CRYBG3: variants seen among roughly 807,000 people sequenced by gnomAD.
CRYBG3 encodes crystallin beta-gamma domain containing 3.
A neutral mutation model predicts 244.2 loss-of-function variants in CRYBG3; 127 were observed. The observed-to-expected ratio is 0.52, with a 90% CI of 0.45 to 0.60. The LOEUF is 0.60. Ranked by LOEUF, CRYBG3 falls within the 20% of genes least tolerant of loss-of-function variation. The probability of loss-of-function intolerance (pLI) is 0.00; values close to 1 mark genes in which losing one functional copy is unlikely to be tolerated. For missense variants in CRYBG3, 3,325 were observed against 3,442.5 expected, an observed-to-expected ratio of 0.97 and a Z score of 0.85; for synonymous variants, 1,132 against 1,195.8, an observed-to-expected ratio of 0.95 and a Z score of 1.10.
intron 2 of CRYBG3, among the ~76,000 whole-genome samples, chr3:97,849,284 T>C (rs2038950102): frequency 6.6e-6 from 1 of 152,186 alleles, no homozygotes. Flanking sequence ...GAATCTTTGC[T>C]TGAAAATGGT....
At position 97,876,764 on chromosome 3, in the gene CRYBG3, T is replaced by C. The variant is rs890038657; in HGVS notation, c.5570T>C (p.Ile1857Thr). 1.6e-6 allele frequency: 2 copies of C among 1,262,312 alleles called. No homozygotes were observed. The highest frequency in any genetic ancestry group is 7.6e-5 in the Admixed American group (2 of 26,266). 78.2% of individuals were successfully genotyped at this position (1,262,312 alleles called of 1,614,324 possible). A position where few individuals can be genotyped will look rare whatever the true frequency, so the allele number is the denominator to read the frequency against. The change falls in exon 4 of 22, where the codon ATT (isoleucine) becomes ACT (threonine). Residue 1857 changes from isoleucine to threonine, a missense_variant. Physicochemically the swap from Ile to Thr is moderately conservative, Grantham distance 89 (BLOSUM62 -1). Transcript: ENST00000389622. ...TCCCCAGAAGATCGTGGTGAGAATA[T>C]TGGGAAACACAAAGTGTTACCCGCA... ...KISPEDRGENIGKHKVLPAVV... is the reference protein window; with the variant it reads ...KISPEDRGENTGKHKVLPAVV...
chr3:97,900,581 A>G, intron 15 of CRYBG3, 96 bp downstream of exon 15: 1 of 773,238 alleles, frequency 1.3e-6, no homozygotes, highest in Non-Finnish European at 2.2e-6. Context: ...GATAACTTTT[A>G]TGTGTCTCTC....
Position 97,941,148 on chromosome 3 carries a change from C to G in CRYBG3, c.8506C>G (p.Pro2836Ala). 6.2e-7 allele frequency: 1 copy of G among 1,603,182 alleles called. No individual in the cohort carries two copies. The highest frequency in any genetic ancestry group is 1.1e-5 in the South Asian group (1 of 89,278). ...TIGSLRPMKQ[P>A]AVYIRIKNRA... ...TAAATGGCTGTTTCTCCTGTCATAG[C>G]CTGCAGTGTACATCAGAATAAAGAA... is the stretch of plus-strand genomic sequence containing the variant. The change falls in exon 20 of 22, where the codon CCT (proline) becomes GCT (alanine). Residue 2836 changes from proline to alanine, a missense_variant and splice_region_variant. Pro to Ala is a conservative substitution (Grantham distance 27, BLOSUM62 -1). This residue lies in a region of CRYBG3 where 714 missense variants were observed against 803.6 expected (regional missense o/e 0.89). Coordinates refer to ENST00000389622, the MANE Select transcript of CRYBG3 (RefSeq NM_153605.4).
chr3:97,888,260 T>C, intron 8 of CRYBG3, 81 bp from the exon 9 acceptor site: 1 of 807,430 alleles, frequency 1.2e-6, no homozygotes, highest in African/African-American at 1.8e-5. Context: ...TTTGTTTTTT[T>C]ATTTTGGTAG....
intron 1 of CRYBG3, among the ~76,000 whole-genome samples, chr3:97,824,435 T>G (rs1197507731): frequency 1.3e-5 from 2 of 152,208 alleles, no homozygotes; most frequent in Non-Finnish European, 2.9e-5. Flanking sequence ...ATGAGACCCG[T>G]AAAAGTCGAA....
Position 97,874,445 on chromosome 3 carries a change from A to G in CRYBG3, c.3251A>G (p.Asp1084Gly), listed in dbSNP as rs954028571. The change falls in exon 4 of 22, where the codon GAT becomes GGT. Residue 1084 changes from aspartate to glycine, a missense_variant. Physicochemically the swap from Asp to Gly is moderately conservative, Grantham distance 94. Around this residue, in one of 4 missense-constraint regions of CRYBG3, gnomAD observed 1,526 missense variants for 1,443.2 expected, o/e 1.06. Transcript: ENST00000389622. ...VNSHKPQNNL[D>G]SIQVTKDLTH... Reference sequence around the variant, plus strand: ...TCACATAAGCCCCAAAATAATTTGGATTCTATACAAGTTACCAAAGATCTC... The same window carrying G: ...TCACATAAGCCCCAAAATAATTTGGGTTCTATACAAGTTACCAAAGATCTC... The G allele has an allele frequency of 2.0e-6, 3 of 1,535,074 alleles. No homozygotes were observed. The African/African-American group carries it at 4.1e-5, about 21-fold the overall frequency.
intron 2 of CRYBG3, among the ~76,000 whole-genome samples, chr3:97,850,983 T>C (rs975239937): frequency 6.6e-6 from 1 of 151,842 alleles, no homozygotes; most frequent in African/African-American, 2.4e-5. Flanking sequence ...AATAAAAAAA[T>C]TAGTTGGGCA....
Position 97,872,002 on chromosome 3 carries a change from G to A in CRYBG3, c.808G>A (p.Asp270Asn). Residue 270 changes from aspartate to asparagine, a missense_variant, in exon 4 of 22, where the codon GAC becomes AAC. Physicochemically the swap from Asp to Asn is conservative, Grantham distance 23. Coordinates refer to ENST00000389622, the MANE Select transcript of CRYBG3 (RefSeq NM_153605.4). The stretch of plus-strand genomic sequence containing the variant: ...TGACTCTAGTACAAACAGACACATT[G>A]ACCCTGGAAGTGAGATTGAGGCTGG... ...SSDSSTNRHI[D>N]PGSEIEAGVL... 1 of 1,535,814 alleles carries A rather than the reference G, an allele frequency of 6.5e-7. No homozygotes were observed. The highest frequency in any genetic ancestry group is 8.7e-7 in the Non-Finnish European group (1 of 1,146,752).
intron 17 of CRYBG3, among the ~76,000 whole-genome samples, chr3:97,920,475 A>G (rs1413969090): frequency 6.6e-6 from 1 of 151,972 alleles, no homozygotes; most frequent in East Asian, 1.9e-4. Flanking sequence ...ATTTTCCTTC[A>G]TAGACTTGTT....
At chr3:97,932,938 G>A (rs2040114613) in intron 17 of CRYBG3, among the ~76,000 whole-genome samples, 5 of 151,994 alleles carry the variant, frequency 3.3e-5, no homozygotes, top group Admixed American at 3.3e-4. Flanking sequence ...AAATAATCTA[G>A]CTTTCTACTG....
chr3:97,892,369 C>T (rs4297989), intron 10 of CRYBG3, among the ~76,000 whole-genome samples: 36,638 of 151,952 alleles, frequency 0.24, 4,749 homozygotes, highest in Middle Eastern at 0.33. Context: ...TTCAAATTGA[C>T]GCGGATGGTC....
At chr3:97,864,762 C>A in intron 3 of CRYBG3, 115 bp downstream of exon 3, 1 of 678,606 alleles carries the variant, frequency 1.5e-6, no homozygotes, top group Non-Finnish European at 2.4e-6. Context: ...TGTAGTGTCC[C>A]TACTACTGGG....
chr3:97,919,212 A>G (rs2039958346), intron 17 of CRYBG3, among the ~76,000 whole-genome samples: 1 of 152,152 alleles, frequency 6.6e-6, no homozygotes, highest in Admixed American at 6.6e-5. Flanking sequence ...TCTCAAATGA[A>G]GTATATGGTA....
chr3:97,912,255 CT>C lies in CRYBG3; in HGVS notation c.8097del (p.Phe2699LeufsTer23). ...GATTTGACTTCACTCATGCCATGTT[CT>C]TTTAAAGTTCTTCGAGGTTGGTAAG... The part of the protein sequence containing the change: ...TSDLTSLMPC[S>X]FKVLRGCWLL... On this transcript the variant is annotated frameshift_variant, in exon 16 of 22. Transcript: ENST00000389622. LOFTEE classifies it high-confidence loss of function. The C allele has an allele frequency of 6.3e-7, 1 of 1,598,732 alleles. No homozygotes were observed. The highest frequency in any genetic ancestry group is 8.5e-7 in the Non-Finnish European group (1 of 1,170,436).
At chr3:97,856,939 G>A (rs1484051283) in intron 2 of CRYBG3, among the ~76,000 whole-genome samples, 1 of 151,912 alleles carries the variant, frequency 6.6e-6, no homozygotes, top group Non-Finnish European at 1.5e-5. Flanking sequence ...TAATTTGGGG[G>A]TTGGCTTATT....
chr3:97,879,134 C>T (rs947222013), intron 4 of CRYBG3, among the ~76,000 whole-genome samples: 1 of 152,126 alleles, frequency 6.6e-6, no homozygotes, highest in Non-Finnish European at 1.5e-5. Context: ...TCAAGTGGCA[C>T]CTCTTAACTC....
chr3:97,907,274 G>T (rs1202559374), intron 15 of CRYBG3, among the ~76,000 whole-genome samples: 1 of 152,162 alleles, frequency 6.6e-6, no homozygotes, highest in East Asian at 1.9e-4. Flanking sequence ...ATGAGTTAGG[G>T]AGGATTCCCT....
intron 17 of CRYBG3, among the ~76,000 whole-genome samples, chr3:97,917,252 G>A (rs964547714): frequency 1.3e-5 from 2 of 150,926 alleles, no homozygotes; most frequent in East Asian, 1.9e-4. Flanking sequence ...AAACAGAGAT[G>A]TTTTCATGTA....
At position 97,943,517 on chromosome 3, in the gene CRYBG3, T is replaced by TAAAG. The variant is rs2040280055; in HGVS notation, c.*207_*210dup. 4 of 516,816 alleles carry TAAAG rather than the reference T, an allele frequency of 7.7e-6. No individual in the cohort carries two copies. Among genetic ancestry groups the TAAAG allele is most frequent in the South Asian group, 5.4e-5 (2 of 37,326 alleles). 32.0% of individuals were successfully genotyped at this position (516,816 alleles called of 1,614,324 possible). ...TTCTTGCCATTACTCAGTGTTCCTA[T>TAAAG]AAAGAAAATATTATGATATCTTGGA... On this transcript the variant is annotated 3_prime_UTR_variant, in exon 22 of 22. Coordinates refer to ENST00000389622, the MANE Select transcript of CRYBG3 (RefSeq NM_153605.4).
Sources: allele counts gnomAD v4.1 joint callset (sites outside exome capture counted in the v4.1 genomes callset), GRCh38; gene constraint gnomAD v4.1.1; regional missense constraint gnomAD v4.1.1; transcripts MANE v1.5; gene names NCBI Gene and HGNC (gene_info 2026-07-23, HGNC 2026-07-21).